Variants in FBXO34 observed in about 807,000 individuals in gnomAD.
FBXO34 encodes the protein F-box protein 34.
FBXO34 carries 12 observed loss-of-function variants against 24.5 expected under a neutral mutation model. The observed-to-expected ratio is 0.49, with a 90% CI of 0.31 to 0.79. The LOEUF (loss-of-function observed/expected upper bound fraction) is 0.79. Ranked by LOEUF, FBXO34 falls within the 30% of genes least tolerant of loss-of-function variation. The probability of loss-of-function intolerance (pLI) is 0.04; values close to 1 mark genes in which losing one functional copy is unlikely to be tolerated. For synonymous variants in FBXO34, 320 were observed against 311.9 expected, an observed-to-expected ratio of 1.03 and a Z score of -0.27; for missense variants, 823 against 857.7, an observed-to-expected ratio of 0.96 and a Z score of 0.51.
chr14:55,348,201 T>C (rs1884220813), intron 1 of FBXO34, among the ~76,000 whole-genome samples: 1 of 152,050 alleles, frequency 6.6e-6, no homozygotes, highest in South Asian at 2.1e-4. Flanking sequence ...GTTTGGTTGG[T>C]TGGTTGGGTT....
downstream of FBXO34, among the ~76,000 whole-genome samples, chr14:55,356,457 GT>G (rs1884524225): frequency 6.6e-6 from 1 of 152,030 alleles, no homozygotes; most frequent in African/African-American, 2.4e-5. Context: ...GGGTTGGTTT[GT>G]TTGTTTTGAG....
At chr14:55,328,517 C>A (rs1030013943) in intron 1 of FBXO34, among the ~76,000 whole-genome samples, 1 of 152,230 alleles carries the variant, frequency 6.6e-6, no homozygotes, top group Non-Finnish European at 1.5e-5. Context: ...GAATGATTCT[C>A]ATCCTGCATG....
the FBXO34 span, among the ~76,000 whole-genome samples, chr14:55,395,641 C>A: frequency 6.6e-6 from 1 of 152,302 alleles, no homozygotes; most frequent in Non-Finnish European, 1.5e-5. Flanking sequence ...AATCATTAAT[C>A]CATTTGGAGT....
chr14:55,273,897 C>T (rs913203811), intron 1 of FBXO34, among the ~76,000 whole-genome samples: 9 of 152,144 alleles, frequency 5.9e-5, no homozygotes, highest in African/African-American at 1.9e-4. Flanking sequence ...CCTCCGCCTC[C>T]CGGGTTCAAG....
intron 1 of FBXO34, among the ~76,000 whole-genome samples, chr14:55,339,041 T>A (rs1285711196): frequency 2.0e-5 from 3 of 152,170 alleles, no homozygotes; most frequent in African/African-American, 7.2e-5. Context: ...ATTATCCCTT[T>A]GGAGAGTGGT....
At chr14:55,432,710 A>C in the FBXO34 span, among the ~76,000 whole-genome samples, 1 of 152,210 alleles carries the variant, frequency 6.6e-6, no homozygotes, top group Non-Finnish European at 1.5e-5. Context: ...GATAAAATGA[A>C]CACTTAGTAC....
the FBXO34 span, among the ~76,000 whole-genome samples, chr14:55,403,628 T>C: frequency 1.3e-5 from 2 of 152,168 alleles, no homozygotes; most frequent in South Asian, 4.2e-4. Flanking sequence ...GGAATAATAT[T>C]GTGTACCGGC....
intron 1 of FBXO34, among the ~76,000 whole-genome samples, chr14:55,307,604 G>T (rs184190854): frequency 3.3e-5 from 5 of 152,172 alleles, no homozygotes; most frequent in African/African-American, 7.2e-5. Context: ...AATGGCTGGC[G>T]ATTTGAGTGT....
At chr14:55,366,420 A>C (rs1171011074), downstream of FBXO34, 2 of 152,654 alleles carry the variant, frequency 1.3e-5, no homozygotes, top group Non-Finnish European at 2.9e-5. Flanking sequence ...GCAGTAATAC[A>C]ATAAAAGTTT....
At chr14:55,402,240 T>A in the FBXO34 span, among the ~76,000 whole-genome samples, 1 of 152,224 alleles carries the variant, frequency 6.6e-6, no homozygotes, top group Non-Finnish European at 1.5e-5. Context: ...TCCACCTGCC[T>A]GTCTAGTCCT....
At chr14:55,275,036 G>A (rs1039774714) in intron 1 of FBXO34, among the ~76,000 whole-genome samples, 3 of 152,184 alleles carry the variant, frequency 2.0e-5, no homozygotes, top group African/African-American at 7.2e-5. Context: ...ATTCCTGTCA[G>A]TTCTTATCTT....
chr14:55,349,608 T>C (rs944081815), intron 1 of FBXO34, among the ~76,000 whole-genome samples: 3 of 40,718 alleles, frequency 7.4e-5, no homozygotes, highest in Non-Finnish European at 1.2e-4. Context: ...AATAATTTTC[T>C]TTTTTTTTTT....
rs560778845 is a variant in FBXO34 at position 55,350,435 on chromosome 14, C to G, written c.45C>G (p.Pro15=). ...PYWKLQKKEH[P]PEVSRETQRT... Reference sequence around the variant, plus strand: ...GGAAGCTCCAGAAGAAAGAGCACCCCCCGGAAGTCAGCAGGGAAACGCAGA... The same window carrying G: ...GGAAGCTCCAGAAGAAAGAGCACCCGCCGGAAGTCAGCAGGGAAACGCAGA... The change falls in exon 2 of 2, where the codon CCC becomes CCG. Residue 15 remains proline (P), a synonymous_variant. Coordinates refer to ENST00000313833, the MANE Select transcript of FBXO34 (RefSeq NM_017943.4). 1,681 of 1,606,712 alleles carry G rather than the reference C, an allele frequency of 1.0e-3. 26 individuals carry two copies. In the South Asian group the frequency reaches 0.018, roughly 17 times the overall value.
At chr14:55,379,839 C>T in the FBXO34 span, among the ~76,000 whole-genome samples, 4 of 152,226 alleles carry the variant, frequency 2.6e-5, no homozygotes, top group South Asian at 8.3e-4. Context: ...TCTTCTGCCT[C>T]AGCCTCCAAA....
Position 55,331,757 on chromosome 14 carries a change from A to G in FBXO34, c.-10-18624A>G, listed in dbSNP as rs1257004504. Among the ~76,000 whole-genome samples the G allele has an allele frequency of 1.3e-4, 8 of 61,600 alleles. 1 individual carries two copies. The highest frequency in any genetic ancestry group is 4.3e-4 in the African/African-American group (2 of 4,614). 40.4% of individuals were successfully genotyped at this position (61,600 alleles called of 152,430 possible). A position where few individuals can be genotyped will look rare whatever the true frequency, so the allele number is the denominator to read the frequency against. ...TATATATATGTGTGTATATATATAT[A>G]TATGTATATATATATATATATACCA... On this transcript the variant is annotated intron_variant, in intron 1 of 1. Transcript: ENST00000313833.
intron 1 of FBXO34, among the ~76,000 whole-genome samples, chr14:55,349,608 T>TTTC (rs1491399682): frequency 7.4e-5 from 3 of 40,718 alleles, no homozygotes; most frequent in South Asian, 7.2e-4. Context: ...AATAATTTTC[T>TTTC]TTTTTTTTTT....
intron 1 of FBXO34, among the ~76,000 whole-genome samples, chr14:55,332,452 A>G (rs1168429592): frequency 1.3e-5 from 2 of 152,172 alleles, no homozygotes; most frequent in African/African-American, 4.8e-5. Flanking sequence ...TCTTCATAAG[A>G]TCCCAGGTAA....
intron 1 of FBXO34, among the ~76,000 whole-genome samples, chr14:55,280,418 A>G (rs902917169): frequency 2.0e-5 from 3 of 152,062 alleles, no homozygotes; most frequent in African/African-American, 4.8e-5. Flanking sequence ...AACTCTTTAC[A>G]TAGCGTTTAC....
intron 1 of FBXO34, among the ~76,000 whole-genome samples, chr14:55,299,561 G>T (rs1206937941): frequency 6.6e-6 from 1 of 152,048 alleles, no homozygotes; most frequent in African/African-American, 2.4e-5. Flanking sequence ...CTTTTAAAAA[G>T]ATATTTTCCC....
Sources: gnomAD v4.1 joint callset for allele counts (sites outside exome capture counted in the v4.1 genomes callset) on GRCh38, gnomAD v4.1.1 for gene constraint, MANE v1.5 for transcripts, NCBI Gene and HGNC (gene_info 2026-07-23, HGNC 2026-07-21) for gene names.